The following NCOA2 variants were observed in gnomAD, a reference collection of about 807,000 sequenced individuals.
NCOA2 encodes the protein class E basic helix-loop-helix protein 75.
In NCOA2, 21 loss-of-function variants were observed where a neutral mutation model predicts 145.1. That is an observed-to-expected ratio of 0.14 (90% CI 0.10 to 0.21). The LOEUF is 0.21. Among genes scored for constraint, NCOA2 ranks in the 10% least tolerant of loss-of-function variants. The pLI, the probability that NCOA2 is intolerant of heterozygous loss-of-function variation, is 1.00. For missense variants in NCOA2, 1,472 were observed against 1,837.6 expected (o/e 0.80, Z 3.64); for synonymous variants, 619 against 637.5 (o/e 0.97, Z 0.44).
chr8:70,115,721 A>G (rs150415347), intron 22 of NCOA2, among the ~76,000 whole-genome samples: 27 of 152,372 alleles, frequency 1.8e-4, no homozygotes, highest in African/African-American at 6.0e-4. Context: ...TATCTAAAAT[A>G]TAAAGAAATA....
rs963063649 is a variant in NCOA2 at position 70,127,502 on chromosome 8, G to A, written c.3682-455C>T. Reference sequence around the variant, plus strand: ...AGGCTGAGCAGAGGCAGGAGGAAAAGGGGAGAGCGAGGAGAGTGCCTGATA... The same window carrying A: ...AGGCTGAGCAGAGGCAGGAGGAAAAAGGGAGAGCGAGGAGAGTGCCTGATA... On this transcript the variant is annotated intron_variant, in intron 18 of 22. Transcript: ENST00000452400. 3.9e-5 allele frequency among the ~76,000 whole-genome samples: 6 copies of A among 152,150 alleles called. No homozygotes were observed. In the East Asian group the frequency reaches 1.2e-3, roughly 29 times the overall value.
At chr8:70,324,736 G>C (rs1317843765) in intron 1 of NCOA2, among the ~76,000 whole-genome samples, 1 of 152,068 alleles carries the variant, frequency 6.6e-6, no homozygotes, top group African/African-American at 2.4e-5. Flanking sequence ...TGCTATCCTT[G>C]GGACTTGTTC....
the NCOA2 span, among the ~76,000 whole-genome samples, chr8:70,442,957 G>A: frequency 2.6e-5 from 4 of 152,100 alleles, no homozygotes; most frequent in Admixed American, 2.0e-4. Context: ...GACACTTACG[G>A]GTAAGCATCC....
intron 2 of NCOA2, among the ~76,000 whole-genome samples, chr8:70,221,703 G>A (rs1030930926): frequency 6.6e-6 from 1 of 152,142 alleles, no homozygotes; most frequent in African/African-American, 2.4e-5. Flanking sequence ...GGCAACAGTT[G>A]AATAAATATT....
At chr8:70,228,247 T>G (rs1196741253) in intron 2 of NCOA2, among the ~76,000 whole-genome samples, 1 of 152,196 alleles carries the variant, frequency 6.6e-6, no homozygotes, top group African/African-American at 2.4e-5. Context: ...ATATTTTAGC[T>G]ATTTTAAGTT....
chr8:70,144,088 A>G (rs1457506891), intron 13 of NCOA2, among the ~76,000 whole-genome samples: 1 of 152,254 alleles, frequency 6.6e-6, no homozygotes, highest in Non-Finnish European at 1.5e-5. Context: ...TAGCAGGTCA[A>G]CATCCAAACC....
intron 11 of NCOA2, among the ~76,000 whole-genome samples, chr8:70,152,093 T>A (rs1811816769): frequency 6.6e-6 from 1 of 152,256 alleles, no homozygotes; most frequent in South Asian, 2.1e-4. Context: ...TTTGCCAAGA[T>A]ACTTCAAAGT....
intron 2 of NCOA2, among the ~76,000 whole-genome samples, chr8:70,282,347 T>G (rs973338969): frequency 3.3e-5 from 5 of 152,144 alleles, no homozygotes; most frequent in African/African-American, 1.2e-4. Context: ...CAGGATAACC[T>G]TATTATGGGT....
In NCOA2 at chr8:70,358,104, G is replaced by A. The variant is rs189213339; in HGVS notation, c.-77+45596C>T. Among the ~76,000 whole-genome samples, 30 of 151,944 alleles carry A rather than the reference G, an allele frequency of 2.0e-4. No individual in the cohort carries two copies. In the East Asian group the frequency reaches 4.8e-3, roughly 24 times the overall value. On this transcript the variant is annotated intron_variant, in intron 1 of 22. Coordinates refer to ENST00000452400, the MANE Select transcript of NCOA2 (RefSeq NM_006540.4). ...AAAAACCCTACAAAACACTCCTAAAGGAATTAAAGACTTAAATAAATGGGA... is the reference window on the plus strand; with the variant it reads ...AAAAACCCTACAAAACACTCCTAAAAGAATTAAAGACTTAAATAAATGGGA...
the NCOA2 span, among the ~76,000 whole-genome samples, chr8:70,448,336 G>A: frequency 6.6e-6 from 1 of 152,154 alleles, no homozygotes; most frequent in Non-Finnish European, 1.5e-5. Context: ...GCCTTTCTCT[G>A]TAGCATGGCC....
chr8:70,302,927 C>G (rs2135866026), intron 1 of NCOA2, among the ~76,000 whole-genome samples: 1 of 152,232 alleles, frequency 6.6e-6, no homozygotes, highest in East Asian at 1.9e-4. Flanking sequence ...ATATATGACA[C>G]AGTGAAAAAT....
chr8:70,364,451 C>A (rs1016351763), intron 1 of NCOA2, among the ~76,000 whole-genome samples: 6 of 152,046 alleles, frequency 3.9e-5, no homozygotes, highest in African/African-American at 1.2e-4. Context: ...TTTTTGAAGA[C>A]AAAATGTGGC....
intron 1 of NCOA2, among the ~76,000 whole-genome samples, chr8:70,344,563 T>C (rs1350490179): frequency 1.3e-5 from 2 of 152,200 alleles, no homozygotes; most frequent in Admixed American, 6.5e-5. Flanking sequence ...ACAGCGGCAG[T>C]ATTAAATGGG....
At chr8:70,114,146 C>G (rs941541672) in intron 22 of NCOA2, among the ~76,000 whole-genome samples, 2 of 152,162 alleles carry the variant, frequency 1.3e-5, no homozygotes, top group African/African-American at 4.8e-5. Context: ...TGGGTGTGTT[C>G]TCCCTGGCTT....
intron 1 of NCOA2, among the ~76,000 whole-genome samples, chr8:70,344,203 T>TAC (rs1472844788): frequency 6.6e-6 from 1 of 152,178 alleles, no homozygotes; most frequent in Non-Finnish European, 1.5e-5. Flanking sequence ...ATCGACTCTC[T>TAC]ACCTTGCTGC....
At chr8:70,361,871 G>GT (rs1164723219) in intron 1 of NCOA2, among the ~76,000 whole-genome samples, 1 of 152,188 alleles carries the variant, frequency 6.6e-6, no homozygotes, top group African/African-American at 2.4e-5. Context: ...CAGAAACCTA[G>GT]TACTCCTTAA....
At chr8:70,384,957 A>G (rs1453696089) in intron 1 of NCOA2, among the ~76,000 whole-genome samples, 1 of 152,250 alleles carries the variant, frequency 6.6e-6, no homozygotes, top group Non-Finnish European at 1.5e-5. Context: ...TAAACAAACA[A>G]AGTAGAAACA....
chr8:70,405,112 A>ATT (rs1285766514), upstream of NCOA2, among the ~76,000 whole-genome samples: 7 of 152,146 alleles, frequency 4.6e-5, no homozygotes, highest in African/African-American at 1.7e-4. Context: ...GCTTAAAGTA[A>ATT]TTTGCCCAGG....
chr8:70,218,485 CA>C (rs925818652), intron 2 of NCOA2, among the ~76,000 whole-genome samples: 1 of 152,050 alleles, frequency 6.6e-6, no homozygotes, highest in Non-Finnish European at 1.5e-5. Context: ...AGTGAAGGGC[CA>C]GTATTCATGT....
Sources: allele counts gnomAD v4.1 joint callset (sites outside exome capture counted in the v4.1 genomes callset), GRCh38; gene constraint gnomAD v4.1.1; transcripts MANE v1.5; gene names NCBI Gene and HGNC (gene_info 2026-07-23, HGNC 2026-07-21).